Variants in CARM1 observed in about 807,000 individuals in gnomAD.
The protein encoded by CARM1 is histone-arginine methyltransferase CARM1.
In CARM1, 14 loss-of-function variants were observed where a neutral mutation model predicts 72.7. The ratio of observed to expected loss-of-function variants is 0.19; its 90% CI spans 0.13 to 0.30. The LOEUF is 0.30. Among genes scored for constraint, CARM1 ranks in the 10% least tolerant of loss-of-function variants. CARM1 has a pLI of 1.00. For synonymous variants in CARM1, 333 were observed against 345.5 expected, an observed-to-expected ratio of 0.96 and a Z score of 0.40; for missense variants, 432 against 833.7, an observed-to-expected ratio of 0.52 and a Z score of 5.93.
rs1258201150 is a variant in CARM1, at chr19:10,916,798, A to C, written c.1020+21A>C. 1.3e-6 allele frequency: 2 copies of C among 1,516,118 alleles called. No homozygotes were observed. Among genetic ancestry groups the C allele is most frequent in the Non-Finnish European group, 1.8e-6 (2 of 1,116,304 alleles). The allele number at this position is 1,516,118 out of a possible 1,614,324, so 93.9% of individuals were successfully genotyped here. A position where few individuals can be genotyped will look rare whatever the true frequency, so the allele number is the denominator to read the frequency against. ...TGGTGGTGAGTAGGGCCTCCAGGGT[A>C]CTGCTGCAGTGATCACTTGCCATTG... On this transcript the variant is annotated intron_variant, in intron 8 of 15. Coordinates refer to ENST00000327064, the MANE Select transcript of CARM1 (RefSeq NM_199141.2). The surrounding 1 kb of genome is among the most constrained non-coding windows in gnomAD (Gnocchi z 4.4).
chr19:10,871,610 G>GGCGGCGGCGGCGGCGGCGGCGGCT lies in CARM1; in HGVS notation c.-70_-69insTGCGGCGGCGGCGGCGGCGGCGGC, dbSNP rs2073815132. 1 of 132,864 alleles carries GGCGGCGGCGGCGGCGGCGGCGGCT rather than the reference G, an allele frequency of 7.5e-6. No individual in the cohort carries two copies. The highest frequency in any genetic ancestry group is 8.0e-5 in the Admixed American group (1 of 12,532). 8.2% of individuals were successfully genotyped at this position (132,864 alleles called of 1,614,324 possible). On this transcript the variant is annotated 5_prime_UTR_variant, in exon 1 of 16. Transcript: ENST00000327064. The surrounding 1 kb of genome is among the most constrained non-coding windows in gnomAD (Gnocchi z 5.6). ...CGGCAGCGGCGGCGGCGGCGGCGGCGGCGGCGGCGGCGGCGGCGGCGGCGG... is the reference window on the plus strand; with the variant it reads ...CGGCAGCGGCGGCGGCGGCGGCGGCGGCGGCGGCGGCGGCGGCGGCGGCTGCGGCGGCGGCGGCGGCGGCGGCGG...
In CARM1 at chr19:10,912,127, A is replaced by G; in HGVS notation, c.559-57A>G. ...GTGCACATCCCTTATGATCACTGTC[A>G]CCTCCCCATCACCGTCGCCTCCTAT... is the stretch of plus-strand genomic sequence containing the variant. On this transcript the variant is annotated intron_variant, in intron 4 of 15. Transcript: ENST00000327064. This position sits in a 1 kb window ranked among gnomAD's most constrained non-coding sequence, Gnocchi z 4.5. 3 of 1,211,668 alleles carry G rather than the reference A, an allele frequency of 2.5e-6. No individual in the cohort carries two copies. The highest frequency in any genetic ancestry group is 1.7e-5 in the Admixed American group (1 of 59,506). The allele number at this position is 1,211,668 out of a possible 1,614,324, so 75.1% of individuals were successfully genotyped here. A position where few individuals can be genotyped will look rare whatever the true frequency, so the allele number is the denominator to read the frequency against.
In CARM1 at chr19:10,919,527, G is replaced by A; in HGVS notation, c.1021-68G>A. The stretch of plus-strand genomic sequence containing the variant: ...AGCCGTGGGCAGACCTGGGGGAAGG[G>A]GCAGGGCTCTCCCCTCCCATGCTGG... On this transcript the variant is annotated intron_variant, in intron 8 of 15. Coordinates refer to ENST00000327064, the MANE Select transcript of CARM1 (RefSeq NM_199141.2). The A allele has an allele frequency of 3.4e-6, 4 of 1,174,048 alleles. No individual in the cohort carries two copies. The South Asian group carries it at 3.9e-5, about 11-fold the overall frequency. The allele number at this position is 1,174,048 out of a possible 1,614,324, so 72.7% of individuals were successfully genotyped here. A position where few individuals can be genotyped will look rare whatever the true frequency, so the allele number is the denominator to read the frequency against.
rs1427811863 is a variant in CARM1 at position 10,920,583 on chromosome 19, C to T, written c.1334+10C>T. ...TTATTGCCAACAAAAGGTGCGACTG[C>T]TCCCTGGGGCTGGTGGTGGTGGGCA... On this transcript the variant is annotated intron_variant, in intron 11 of 15. Coordinates refer to ENST00000327064, the MANE Select transcript of CARM1 (RefSeq NM_199141.2). This position sits in a 1 kb window ranked among gnomAD's most constrained non-coding sequence, Gnocchi z 5.3. 1 of 1,613,912 alleles carries T rather than the reference C, an allele frequency of 6.2e-7. No individual in the cohort carries two copies. Among genetic ancestry groups the T allele is most frequent in the African/African-American group, 1.3e-5 (1 of 75,028 alleles).
At chr19:10,885,614 G>C (rs2073935414) in intron 1 of CARM1, among the ~76,000 whole-genome samples, 1 of 152,188 alleles carries the variant, frequency 6.6e-6, no homozygotes, top group African/African-American at 2.4e-5. Flanking sequence ...CAAAGACTGG[G>C]GTGCCTCTTG....
Position 10,920,644 on chromosome 19 carries a change from G to T in CARM1, c.1335-15G>T. 6.2e-7 allele frequency: 1 copy of T among 1,614,132 alleles called. No individual in the cohort carries two copies. Among genetic ancestry groups the T allele is most frequent in the Non-Finnish European group, 8.5e-7 (1 of 1,179,978 alleles). ...TGCCCAGCAGCTCATGCCACGGCCT[G>T]CACCCTGTCCGCAGACAGAGCTACG... On this transcript the variant is annotated splice_polypyrimidine_tract_variant and intron_variant, in intron 11 of 15. Transcript: ENST00000327064. This position sits in a 1 kb window ranked among gnomAD's most constrained non-coding sequence, Gnocchi z 5.3.
intron 1 of CARM1, among the ~76,000 whole-genome samples, chr19:10,885,973 A>C (rs1378718711): frequency 1.4e-5 from 2 of 145,736 alleles, no homozygotes; most frequent in Non-Finnish European, 3.0e-5. Flanking sequence ...TCCCAGGTTC[A>C]GTTCATGCTC....
chr19:10,914,430 C>T (rs375155172), intron 6 of CARM1, among the ~76,000 whole-genome samples: 29 of 152,148 alleles, frequency 1.9e-4, no homozygotes, highest in Admixed American at 1.2e-3. Context: ...GTGGGGTGGG[C>T]GAGCATGTGT....
chr19:10,910,094 A>G (rs1296183910), intron 4 of CARM1, among the ~76,000 whole-genome samples: 1 of 152,188 alleles, frequency 6.6e-6, no homozygotes, highest in African/African-American at 2.4e-5. Context: ...CCCTGCCTCA[A>G]AAACAAAATA....
chr19:10,902,290 CTT>C (rs869120010), intron 1 of CARM1, among the ~76,000 whole-genome samples: 219 of 114,746 alleles, frequency 1.9e-3, no homozygotes, highest in East Asian at 3.8e-3. Context: ...ATTGTTGTTT[CTT>C]TTTTTTTTTT....
chr19:10,902,375 G>A (rs925314103), intron 1 of CARM1, among the ~76,000 whole-genome samples: 1 of 142,044 alleles, frequency 7.0e-6, no homozygotes, highest in Non-Finnish European at 1.5e-5. Context: ...CTCACTGCAA[G>A]CTCCACCTCC....
chr19:10,911,194 TTTCTC>T (rs1472123681), intron 4 of CARM1, among the ~76,000 whole-genome samples: 14 of 152,148 alleles, frequency 9.2e-5, no homozygotes, highest in Non-Finnish European at 2.1e-4. Context: ...CCTGGCCTGT[TTTCTC>T]TTTTGAATCA....
intron 1 of CARM1, among the ~76,000 whole-genome samples, chr19:10,882,680 T>C (rs1267991459): frequency 6.6e-6 from 1 of 151,860 alleles, no homozygotes; most frequent in Non-Finnish European, 1.5e-5. Context: ...TCTCTGGGAC[T>C]ATAGGCATGT....
chr19:10,912,552 C>T lies in CARM1; in HGVS notation c.669+258C>T, dbSNP rs1045976904. Among the ~76,000 whole-genome samples the T allele has an allele frequency of 1.3e-5, 2 of 151,042 alleles. No homozygotes were observed. Among genetic ancestry groups the T allele is most frequent in the Non-Finnish European group, 2.9e-5 (2 of 67,820 alleles). On this transcript the variant is annotated intron_variant, in intron 5 of 15. Coordinates refer to ENST00000327064, the MANE Select transcript of CARM1 (RefSeq NM_199141.2). This position sits in a 1 kb window ranked among gnomAD's most constrained non-coding sequence, Gnocchi z 4.5. The stretch of plus-strand genomic sequence containing the variant: ...TTTTTTGCACTGAAACCTTCATTCA[C>T]AAAGTTCAAAACATAAAAGCTAAAA...
Position 10,921,657 on chromosome 19 carries a change from C to T in CARM1, c.1727C>T (p.Ala576Val), listed in dbSNP as rs950395842. ...GGCAGTGGTGGTGGCAGCACGAGTG[C>T]CCACTATGCAGTCAACAGCCAGTTC... ...AQGSGGGSTS[A>V]HYAVNSQFTM... The change falls in exon 16 of 16, where the codon GCC becomes GTC. Residue 576 changes from alanine to valine, a missense_variant. Physicochemically the swap from Ala to Val is moderately conservative, Grantham distance 64. Around this residue, in one of 3 missense-constraint regions of CARM1, gnomAD observed 142 missense variants for 188.7 expected, o/e 0.75. Transcript: ENST00000327064. 3 of 1,613,366 alleles carry T rather than the reference C, an allele frequency of 1.9e-6. No individual in the cohort carries two copies. Among genetic ancestry groups the T allele is most frequent in the Non-Finnish European group, 2.5e-6 (3 of 1,179,856 alleles).
chr19:10,913,168 G>A (rs554006244), intron 5 of CARM1, among the ~76,000 whole-genome samples: 17 of 152,010 alleles, frequency 1.1e-4, no homozygotes, highest in African/African-American at 2.4e-4. Flanking sequence ...GCAGTGGTGC[G>A]ATCCTGGCTC....
rs2074127847 is a variant in CARM1 at position 10,909,258 on chromosome 19, T to C, written c.558+51T>C. The stretch of plus-strand genomic sequence containing the variant: ...CTCTCTGCTTCTGTCTCGGTTTTTT[T>C]TTTCTTTGCTCATTGATTTTATCTT... On this transcript the variant is annotated intron_variant, in intron 4 of 15. Transcript: ENST00000327064. The C allele has an allele frequency of 2.6e-6, 3 of 1,157,718 alleles. No homozygotes were observed. The East Asian group carries it at 7.1e-5, about 27-fold the overall frequency. 71.7% of individuals were successfully genotyped at this position (1,157,718 alleles called of 1,614,324 possible).
Position 10,920,207 on chromosome 19 carries a change from A to C in CARM1, c.1197-229A>C, listed in dbSNP as rs923086977. 6.6e-6 allele frequency among the ~76,000 whole-genome samples: 1 copy of C among 151,778 alleles called. No homozygotes were observed. The highest frequency in any genetic ancestry group is 6.6e-5 in the Admixed American group (1 of 15,238). Reference sequence around the variant, plus strand: ...CATGGGTCTGTGTCTGTCTCTTGGCACATGTCAGGGTGAGTAGGGATCTCG... The same window carrying C: ...CATGGGTCTGTGTCTGTCTCTTGGCCCATGTCAGGGTGAGTAGGGATCTCG... On this transcript the variant is annotated intron_variant, in intron 10 of 15. Coordinates refer to ENST00000327064, the MANE Select transcript of CARM1 (RefSeq NM_199141.2). This position sits in a 1 kb window ranked among gnomAD's most constrained non-coding sequence, Gnocchi z 5.3.
At chr19:10,890,354 G>A (rs2073974386) in intron 1 of CARM1, among the ~76,000 whole-genome samples, 1 of 148,318 alleles carries the variant, frequency 6.7e-6, no homozygotes, top group Non-Finnish European at 1.5e-5. Flanking sequence ...TGCAACCTCC[G>A]CCTCCCGGGT....
Sources: allele counts gnomAD v4.1 joint callset (sites outside exome capture counted in the v4.1 genomes callset), GRCh38; gene constraint gnomAD v4.1.1; regional missense constraint gnomAD v4.1.1; non-coding constraint Gnocchi (gnomAD v3.1); transcripts MANE v1.5; gene names NCBI Gene and HGNC (gene_info 2026-07-23, HGNC 2026-07-21).